Variants in GALNT15 observed in about 807,000 individuals in gnomAD.
The protein encoded by GALNT15 is polypeptide N-acetylgalactosaminyltransferase 15.
GALNT15 carries 67 observed loss-of-function variants against 66.8 expected under a neutral mutation model. That is an observed-to-expected ratio of 1.00 (90% CI 0.82 to 1.23). The LOEUF is 1.23. Ranked by LOEUF, GALNT15 falls within the 50% of genes most tolerant of loss-of-function variation. The pLI, the probability that GALNT15 is intolerant of heterozygous loss-of-function variation, is 0.00. For synonymous variants in GALNT15, 313 were observed against 311.5 expected (o/e 1.00, Z -0.05); for missense variants, 827 against 804.3 (o/e 1.03, Z -0.34).
rs984647503 is a variant in GALNT15 at position 16,219,068 on chromosome 3, G to A, written c.1393-335G>A. Among the ~76,000 whole-genome samples the A allele has an allele frequency of 2.3e-4, 35 of 152,104 alleles. No homozygotes were observed. The highest frequency in any genetic ancestry group is 3.4e-3 in the Middle Eastern group (1 of 294). ...TGACCTCAAGTGATCCACCAGCCTC[G>A]GCCTCCCAAAGTGCTGGAGGTGTGA... On this transcript the variant is annotated intron_variant, in intron 6 of 9. Coordinates refer to ENST00000339732, the MANE Select transcript of GALNT15 (RefSeq NM_054110.5). This position sits in a 1 kb window ranked among gnomAD's most constrained non-coding sequence, Gnocchi z 4.3.
Position 16,228,896 on chromosome 3 carries a change from A to G in GALNT15, c.*1396A>G. On this transcript the variant is annotated 3_prime_UTR_variant, in exon 10 of 10. Coordinates refer to ENST00000339732, the MANE Select transcript of GALNT15 (RefSeq NM_054110.5). ...CAGGTTGAATGTCCATGAGTGTGGGAAGAACACGGCTCATCTGGAGCACAG... is the reference window on the plus strand; with the variant it reads ...CAGGTTGAATGTCCATGAGTGTGGGGAGAACACGGCTCATCTGGAGCACAG... 1.0e-6 allele frequency: 1 copy of G among 985,468 alleles called. No individual in the cohort carries two copies. The highest frequency in any genetic ancestry group is 1.2e-6 in the Non-Finnish European group (1 of 829,950). The allele number at this position is 985,468 out of a possible 1,614,324, so 61.0% of individuals were successfully genotyped here. A position where few individuals can be genotyped will look rare whatever the true frequency, so the allele number is the denominator to read the frequency against.
intron 1 of GALNT15, among the ~76,000 whole-genome samples, chr3:16,190,624 C>T (rs9882089): frequency 0.015 from 1,859 of 128,016 alleles, 32 homozygotes; most frequent in African/African-American, 0.052. Context: ...GGGGACAGAG[C>T]GAGACTCCGT....
At chr3:16,246,269 C>T in the GALNT15 span, among the ~76,000 whole-genome samples, 1 of 151,892 alleles carries the variant, frequency 6.6e-6, no homozygotes, top group East Asian at 1.9e-4. Context: ...AGGGAACTGT[C>T]CTAAGGGTCA....
At chr3:16,240,803 G>A in the GALNT15 span, among the ~76,000 whole-genome samples, 5 of 152,020 alleles carry the variant, frequency 3.3e-5, no homozygotes, top group Non-Finnish European at 5.9e-5. Context: ...CTATGACTCC[G>A]CATCACCTTC....
At chr3:16,220,835 T>C (rs952547960) in intron 8 of GALNT15, among the ~76,000 whole-genome samples, 1 of 152,182 alleles carries the variant, frequency 6.6e-6, no homozygotes. Flanking sequence ...AGGCCCTGGG[T>C]TCCTGGGGGC....
At position 16,195,790 on chromosome 3, in the gene GALNT15, G is replaced by A. The variant is rs767335989; in HGVS notation, c.570G>A (p.Leu190=). 6.2e-7 allele frequency: 1 copy of A among 1,613,752 alleles called. No homozygotes were observed. Among genetic ancestry groups the A allele is most frequent in the Admixed American group, 1.7e-5 (1 of 60,016 alleles). Residue 190 remains leucine, a synonymous_variant, in exon 2 of 10, where the codon CTG becomes CTA. Transcript: ENST00000339732. This position sits in a 1 kb window ranked among gnomAD's most constrained non-coding sequence, Gnocchi z 4.6. The part of the protein sequence containing the change: ...LCLQQHPQDS[L]PTASVILCFH... ...TGCAGCAGCACCCTCAGGACAGCCT[G>A]CCCACAGCCAGCGTCATCCTCTGTT...
At position 16,195,878 on chromosome 3, in the gene GALNT15, A is replaced by G. The variant is rs1375038918; in HGVS notation, c.658A>G (p.Arg220Gly). 2 of 1,614,060 alleles carry G rather than the reference A, an allele frequency of 1.2e-6. No individual in the cohort carries two copies. Among genetic ancestry groups the G allele is most frequent in the Non-Finnish European group, 1.7e-6 (2 of 1,180,016 alleles). ...TVHSILDTVP[R>G]AFLKEIILVD... ...ACACAGCATCCTCGACACAGTGCCC[A>G]GGGCCTTCCTGAAGGAGATCATCCT... Residue 220 changes from arginine to glycine, a missense_variant, in exon 2 of 10, where the codon AGG (arginine) becomes GGG (glycine). Physicochemically the swap from Arg to Gly is moderately radical, Grantham distance 125. Transcript: ENST00000339732. This position sits in a 1 kb window ranked among gnomAD's most constrained non-coding sequence, Gnocchi z 4.6.
At position 16,225,247 on chromosome 3, in the gene GALNT15, A is replaced by G. The variant is rs778203472; in HGVS notation, c.1774-2107A>G. 6.6e-5 allele frequency among the ~76,000 whole-genome samples: 10 copies of G among 152,196 alleles called. No homozygotes were observed. The highest frequency in any genetic ancestry group is 1.3e-4 in the Non-Finnish European group (9 of 68,022). On this transcript the variant is annotated intron_variant, in intron 9 of 9. Transcript: ENST00000339732. The surrounding 1 kb of genome is among the most constrained non-coding windows in gnomAD (Gnocchi z 4.4). ...CATGAGGGATCTGTCCCCATGATCC[A>G]AACATCCCCCACCAAACCCCACCTC...
Position 16,195,846 on chromosome 3 carries a change from G to C in GALNT15, c.626G>C (p.Arg209Pro). ...GATGAGGCCTGGTCCACTCTCCTGC[G>C]GACTGTACACAGCATCCTCGACACA... ...FHDEAWSTLL[R>P]TVHSILDTVP... Residue 209 changes from arginine to proline, a missense_variant, in exon 2 of 10, where the codon CGG becomes CCG. Arg to Pro is a moderately radical substitution (Grantham distance 103). Transcript: ENST00000339732. This position sits in a 1 kb window ranked among gnomAD's most constrained non-coding sequence, Gnocchi z 4.6. 6.2e-7 allele frequency: 1 copy of C among 1,614,040 alleles called. No homozygotes were observed. The highest frequency in any genetic ancestry group is 8.5e-7 in the Non-Finnish European group (1 of 1,179,986).
chr3:16,213,251 C>T lies in GALNT15; in HGVS notation c.1392+488C>T, dbSNP rs1181879728. ...TGGGTGGATCACGAGGTCAGGAGAT[C>T]GAGACCATCCTGGCTAACATGGTGA... is the stretch of plus-strand genomic sequence containing the variant. On this transcript the variant is annotated intron_variant, in intron 6 of 9. Coordinates refer to ENST00000339732, the MANE Select transcript of GALNT15 (RefSeq NM_054110.5). Among the ~76,000 whole-genome samples the T allele has an allele frequency of 2.0e-5, 3 of 151,890 alleles. No individual in the cohort carries two copies. In the East Asian group the frequency reaches 5.8e-4, roughly 29 times the overall value.
In GALNT15 at chr3:16,211,186, C is replaced by G; in HGVS notation, c.1142C>G (p.Ala381Gly). The G allele has an allele frequency of 6.2e-7, 1 of 1,613,962 alleles. No homozygotes were observed. The highest frequency in any genetic ancestry group is 8.5e-7 in the Non-Finnish European group (1 of 1,179,884). Residue 381 changes from alanine to glycine, a missense_variant, in exon 5 of 10, where the codon GCG becomes GGG. By Grantham distance (60) the Ala-to-Gly change is moderately conservative (BLOSUM62 0). Coordinates refer to ENST00000339732, the MANE Select transcript of GALNT15 (RefSeq NM_054110.5). This position sits in a 1 kb window ranked among gnomAD's most constrained non-coding sequence, Gnocchi z 4.3. ...AGACATTACTTCCAAAACACTGGAG[C>G]GTATGACTCTCTTATGTCGCTGCGA... ...MDRHYFQNTG[A>G]YDSLMSLRGG...
chr3:16,212,558 C>G lies in GALNT15; in HGVS notation c.1198-11C>G. ...GAATGCTGAGGTGTTTATCTTTTCCCTTCGTGGCAGGCCTGGCTCTGTGGT... is the reference window on the plus strand; with the variant it reads ...GAATGCTGAGGTGTTTATCTTTTCCGTTCGTGGCAGGCCTGGCTCTGTGGT... On this transcript the variant is annotated splice_polypyrimidine_tract_variant and intron_variant, in intron 5 of 9. Transcript: ENST00000339732. 6.2e-7 allele frequency: 1 copy of G among 1,608,958 alleles called. No homozygotes were observed. The highest frequency in any genetic ancestry group is 8.5e-7 in the Non-Finnish European group (1 of 1,176,762).
At position 16,219,644 on chromosome 3, in the gene GALNT15, C is replaced by A. The variant is rs960495753; in HGVS notation, c.1524+110C>A. 3 of 1,435,428 alleles carry A rather than the reference C, an allele frequency of 2.1e-6. No individual in the cohort carries two copies. The highest frequency in any genetic ancestry group is 2.9e-6 in the Non-Finnish European group (3 of 1,050,980). 88.9% of individuals were successfully genotyped at this position (1,435,428 alleles called of 1,614,324 possible). ...GTCAACCATTCACGGTTTAGCAGGGCCTCAGAGGCCTTGGGTCCATCCCGT... is the reference window on the plus strand; with the variant it reads ...GTCAACCATTCACGGTTTAGCAGGGACTCAGAGGCCTTGGGTCCATCCCGT... On this transcript the variant is annotated intron_variant, in intron 7 of 9. Coordinates refer to ENST00000339732, the MANE Select transcript of GALNT15 (RefSeq NM_054110.5). This position sits in a 1 kb window ranked among gnomAD's most constrained non-coding sequence, Gnocchi z 4.3.
intron 3 of GALNT15, among the ~76,000 whole-genome samples, chr3:16,207,932 C>T (rs2063774737): frequency 6.6e-6 from 1 of 152,136 alleles, no homozygotes; most frequent in South Asian, 2.1e-4. Flanking sequence ...TCCCATTCTA[C>T]AAATGAGGAA....
chr3:16,221,256 C>T (rs201739869), intron 8 of GALNT15, among the ~76,000 whole-genome samples: 3 of 140,240 alleles, frequency 2.1e-5, no homozygotes, highest in Non-Finnish European at 3.1e-5. Context: ...CTTTCTTGTT[C>T]TTTTTTTTTT....
the GALNT15 span, among the ~76,000 whole-genome samples, chr3:16,237,196 A>G: frequency 6.6e-6 from 1 of 152,248 alleles, no homozygotes; most frequent in East Asian, 1.9e-4. The surrounding 1 kb of genome is among the most constrained non-coding windows in gnomAD (Gnocchi z 4.2). Flanking sequence ...AAATGGTAGA[A>G]GTCAAGCCAA....
At chr3:16,226,012 G>C (rs1182277610) in intron 9 of GALNT15, among the ~76,000 whole-genome samples, 1 of 150,714 alleles carries the variant, frequency 6.6e-6, no homozygotes, top group Non-Finnish European at 1.5e-5. Context: ...TCACACCACT[G>C]TACTCCCGCC....
chr3:16,200,899 GC>G lies in GALNT15; in HGVS notation c.911+77del, dbSNP rs2063693531. The G allele has an allele frequency of 1.8e-6, 2 of 1,103,846 alleles. No individual in the cohort carries two copies. Among genetic ancestry groups the G allele is most frequent in the Non-Finnish European group, 1.3e-6 (1 of 782,166 alleles). 68.4% of individuals were successfully genotyped at this position (1,103,846 alleles called of 1,614,324 possible). On this transcript the variant is annotated intron_variant, in intron 3 of 9. Transcript: ENST00000339732. The surrounding 1 kb of genome is among the most constrained non-coding windows in gnomAD (Gnocchi z 4.4). ...GTCTACAGCATCAGCCACTCACAGA[GC>G]AACCCACCTATTAATTCCTGAATCT...
chr3:16,210,863 T>C (rs1265516569), intron 4 of GALNT15, among the ~76,000 whole-genome samples: 3 of 152,186 alleles, frequency 2.0e-5, no homozygotes, highest in Non-Finnish European at 4.4e-5. Context: ...TCAGGTGTGG[T>C]CCCTAGGCCC....
Sources: gnomAD v4.1 joint callset for allele counts (sites outside exome capture counted in the v4.1 genomes callset) on GRCh38, gnomAD v4.1.1 for gene constraint, Gnocchi (gnomAD v3.1) non-coding constraint, MANE v1.5 for transcripts, NCBI Gene and HGNC (gene_info 2026-07-23, HGNC 2026-07-21) for gene names.